Variants in SNTG2 observed in about 807,000 individuals in gnomAD.
SNTG2 encodes the protein syntrophin gamma 2.
SNTG2 carries 74 observed loss-of-function variants against 70.9 expected under a neutral mutation model. The ratio of observed to expected loss-of-function variants is 1.04; its 90% CI spans 0.86 to 1.27. The LOEUF is 1.27. SNTG2 is among the 50% of genes most tolerant of loss of function. The pLI is 0.00. For missense variants in SNTG2, 717 were observed against 690.7 expected (o/e 1.04, Z -0.43); for synonymous variants, 278 against 273.8 (o/e 1.02, Z -0.15).
Position 1,316,356 on chromosome 2 carries a change from C to T in SNTG2, c.1469C>T (p.Thr490Ile). 2 of 1,538,848 alleles carry T rather than the reference C, an allele frequency of 1.3e-6. No homozygotes were observed. Among genetic ancestry groups the T allele is most frequent in the Non-Finnish European group, 1.8e-6 (2 of 1,135,574 alleles). The change falls in exon 16 of 17, where the codon ACC (threonine) becomes ATC (isoleucine). Residue 490 changes from threonine (T) to isoleucine (I), a missense_variant. By Grantham distance (89) the Thr-to-Ile change is moderately conservative. Coordinates refer to ENST00000308624, the MANE Select transcript of SNTG2 (RefSeq NM_018968.4). ...AAGCTGCTGTTTCAGAATCTGGACA[C>T]CAAACAGATTGAGACGAAGGTATGC... ...RVKLLFQNLDTKQIETKELEF... is the reference protein window; with the variant it reads ...RVKLLFQNLDIKQIETKELEF...
intron 8 of SNTG2, among the ~76,000 whole-genome samples, chr2:1,178,185 T>A (rs1671613249): frequency 6.6e-6 from 1 of 152,200 alleles, no homozygotes; most frequent in African/African-American, 2.4e-5. Flanking sequence ...CTCTCTCTTG[T>A]AGAGACGATT....
intron 14 of SNTG2, among the ~76,000 whole-genome samples, chr2:1,300,245 A>G (rs984715719): frequency 2.0e-5 from 3 of 152,230 alleles, no homozygotes; most frequent in African/African-American, 4.8e-5. Flanking sequence ...GGTGCTTTAA[A>G]TGACGGCACT....
chr2:1,281,680 G>A (rs1396939862), intron 14 of SNTG2, among the ~76,000 whole-genome samples: 1 of 152,108 alleles, frequency 6.6e-6, no homozygotes, highest in South Asian at 2.1e-4. Flanking sequence ...CCATGGCTGT[G>A]ATGAAGGTGA....
Position 1,364,909 on chromosome 2 carries a change from C to CA in SNTG2, c.1489-2426dup, listed in dbSNP as rs199925891. Among the ~76,000 whole-genome samples, 1,333 of 151,580 alleles carry CA rather than the reference C, an allele frequency of 8.8e-3. 23 individuals are homozygous for CA. The highest frequency in any genetic ancestry group is 0.029 in the African/African-American group (1,216 of 41,302). ...TGGGCGACAGAGTGAGATTCCGTCT[C>CA]AAAAAAAATAAAATTAACCCAAAAC... is the stretch of plus-strand genomic sequence containing the variant. On this transcript the variant is annotated intron_variant, in intron 16 of 16. Coordinates refer to ENST00000308624, the MANE Select transcript of SNTG2 (RefSeq NM_018968.4).
chr2:1,132,203 A>T (rs1368866969), intron 4 of SNTG2, among the ~76,000 whole-genome samples: 1 of 150,210 alleles, frequency 6.7e-6, no homozygotes, highest in African/African-American at 2.4e-5. Context: ...GTGTGTGTAT[A>T]TATATGTGTA....
chr2:1,236,651 G>A (rs59100593), intron 9 of SNTG2, among the ~76,000 whole-genome samples: 29,938 of 152,096 alleles, frequency 0.2, 4,277 homozygotes, highest in African/African-American at 0.4. Context: ...AGGGATGTCA[G>A]CTTTTTAAAA....
intron 11 of SNTG2, among the ~76,000 whole-genome samples, chr2:1,243,515 T>C (rs1677184794): frequency 6.6e-6 from 1 of 152,246 alleles, no homozygotes; most frequent in Non-Finnish European, 1.5e-5. Flanking sequence ...CCAAGTTCTC[T>C]ATTTTAGCCA....
chr2:1,240,298 G>C (rs1032698412), intron 11 of SNTG2, among the ~76,000 whole-genome samples: 1 of 152,124 alleles, frequency 6.6e-6, no homozygotes, highest in Non-Finnish European at 1.5e-5. Context: ...CGTTGTCCTG[G>C]ATTCAGGATA....
chr2:982,733 G>A (rs146228155), intron 1 of SNTG2, among the ~76,000 whole-genome samples: 1 of 152,194 alleles, frequency 6.6e-6, no homozygotes, highest in East Asian at 1.9e-4. Context: ...CTCTTCTCTT[G>A]TGCTCACTCA....
intron 2 of SNTG2, among the ~76,000 whole-genome samples, chr2:1,085,604 C>T (rs1030071012): frequency 6.6e-5 from 10 of 152,188 alleles, no homozygotes; most frequent in Non-Finnish European, 8.8e-5. Context: ...CAAAAAAGAG[C>T]AAAACTAGCT....
At chr2:1,082,697 A>G (rs1572388031) in intron 1 of SNTG2, among the ~76,000 whole-genome samples, 1 of 152,310 alleles carries the variant, frequency 6.6e-6, no homozygotes, top group East Asian at 1.9e-4. Flanking sequence ...GGCACTGGGC[A>G]TGTGGCCGGG....
intron 9 of SNTG2, among the ~76,000 whole-genome samples, chr2:1,214,211 A>C (rs1674227460): frequency 6.6e-6 from 1 of 152,214 alleles, no homozygotes; most frequent in African/African-American, 2.4e-5. Flanking sequence ...TTTTATGCTC[A>C]AGATAGTTTG....
At chr2:1,306,964 G>A (rs1426257383) in intron 14 of SNTG2, among the ~76,000 whole-genome samples, 1 of 151,982 alleles carries the variant, frequency 6.6e-6, no homozygotes, top group Admixed American at 6.6e-5. Context: ...GTGGGTGTGA[G>A]CCGGGCATTG....
chr2:1,021,732 C>G (rs529392002), intron 1 of SNTG2, among the ~76,000 whole-genome samples: 1 of 152,066 alleles, frequency 6.6e-6, no homozygotes, highest in Non-Finnish European at 1.5e-5. Context: ...CCACCCCAGC[C>G]TCCTGAGTAG....
At chr2:1,348,242 GC>G (rs1015093239) in intron 16 of SNTG2, among the ~76,000 whole-genome samples, 7 of 152,060 alleles carry the variant, frequency 4.6e-5, no homozygotes, top group Non-Finnish European at 1.5e-5. Flanking sequence ...AAATTCTAAA[GC>G]CCCCCAGCCA....
intron 13 of SNTG2, chr2:1,262,890 C>G (rs1379400251): frequency 6.6e-6 from 1 of 152,334 alleles, no homozygotes; most frequent in East Asian, 1.9e-4. Context: ...CGGCAAGCCG[C>G]TGACCTTGAA....
chr2:977,464 C>T (rs1660945077), intron 1 of SNTG2, among the ~76,000 whole-genome samples: 1 of 152,166 alleles, frequency 6.6e-6, no homozygotes, highest in Non-Finnish European at 1.5e-5. Flanking sequence ...GCTCCTTCTT[C>T]ACCACCCAGT....
At chr2:1,223,433 G>GCCC (rs1487420889) in intron 9 of SNTG2, among the ~76,000 whole-genome samples, 8 of 152,056 alleles carry the variant, frequency 5.3e-5, no homozygotes, top group African/African-American at 1.5e-4. Context: ...CCTGCCTGCA[G>GCCC]CCCGGGCACT....
chr2:994,679 CCATGAA>C (rs1285428821), intron 1 of SNTG2, among the ~76,000 whole-genome samples: 3 of 151,890 alleles, frequency 2.0e-5, no homozygotes, highest in African/African-American at 2.4e-5. Flanking sequence ...TGCCTTCAAT[CCATGAA>C]CATGGACTGT....
Sources: gnomAD v4.1 joint callset for allele counts (sites outside exome capture counted in the v4.1 genomes callset) on GRCh38, gnomAD v4.1.1 for gene constraint, MANE v1.5 for transcripts, NCBI Gene and HGNC (gene_info 2026-07-23, HGNC 2026-07-21) for gene names.